The following OR51B5 variants were observed in gnomAD, a reference collection of about 807,000 sequenced individuals.
The protein encoded by OR51B5 is olfactory receptor family 51 subfamily B member 5, also known as olfactory receptor 51B5.
For missense variants in OR51B5, 456 were observed against 374.6 expected, an observed-to-expected ratio of 1.22 and a Z score of -1.79; for synonymous variants, 186 against 144.8, an observed-to-expected ratio of 1.28 and a Z score of -2.04.
rs1208616495 is a variant in OR51B5, at chr11:5,440,918, A to G, written n.84+64651T>C. 3.7e-6 allele frequency: 6 copies of G among 1,613,760 alleles called. No homozygotes were observed. The East Asian group carries it at 8.9e-5, about 24-fold the overall frequency. On this transcript the variant is annotated intron_variant and non_coding_transcript_variant, in intron 1 of 4. Coordinates refer to the OR51B5 transcript ENST00000415970. ...TAAAAATGATCACCAAGAGCCCATA[A>G]ATGTTGTTAACATGGATGTCTCCAC... is the stretch of plus-strand genomic sequence containing the variant.
rs1564819339 is a variant in OR51B5 at position 5,455,591 on chromosome 11, G to GAGGAGAGAGAGAAAGAGAAAGAGAGA, written n.84+49977_84+49978insTCTCTCTTTCTCTTTCTCTCTCTCCT. Reference sequence around the variant, plus strand: ...AGAGAGAGAGAGAAAGAGAAAGAGAGAAAGAGAAAAAGAGAAAGAGAAAGA... The same window carrying GAGGAGAGAGAGAAAGAGAAAGAGAGA: ...AGAGAGAGAGAGAAAGAGAAAGAGAGAGGAGAGAGAGAAAGAGAAAGAGAGAAAAGAGAAAAAGAGAAAGAGAAAGA... On this transcript the variant is annotated intron_variant and non_coding_transcript_variant, in intron 1 of 4. Transcript: ENST00000415970. The GAGGAGAGAGAGAAAGAGAAAGAGAGA allele has an allele frequency of 1.6e-4, 23 of 142,368 alleles. 1 individual carries two copies. Among genetic ancestry groups the GAGGAGAGAGAGAAAGAGAAAGAGAGA allele is most frequent in the African/African-American group, 6.0e-4 (23 of 38,404 alleles). The allele number at this position is 142,368 out of a possible 1,614,324, so 8.8% of individuals were successfully genotyped here.
At chr11:5,354,014 G>A (rs1052537489) in intron 1 of OR51B5, among the ~76,000 whole-genome samples, 6 of 151,708 alleles carry the variant, frequency 4.0e-5, no homozygotes, top group South Asian at 2.1e-4. Context: ...CTGTGTGCTC[G>A]AGGATGGTAA....
intron 1 of OR51B5, chr11:5,505,505 G>A (rs997364982): frequency 2.4e-6 from 3 of 1,271,848 alleles, no homozygotes; most frequent in African/African-American, 3.1e-5. Context: ...CCGTTTTCAC[G>A]CTGCTAATGA....
At chr11:5,423,088 A>G in intron 1 of OR51B5, 1 of 1,613,942 alleles carries the variant, frequency 6.2e-7, no homozygotes, top group African/African-American at 1.3e-5. Context: ...TTTACAGTGT[A>G]AAGAACAAGC....
Position 5,467,860 on chromosome 11 carries a change from T to TCTA in OR51B5, n.84+37706_84+37708dup, listed in dbSNP as rs372274825. On this transcript the variant is annotated intron_variant and non_coding_transcript_variant, in intron 1 of 4. Transcript: ENST00000415970. Reference sequence around the variant, plus strand: ...CGATTTGGAGTGTTGATTAGCTGCCTCTAGTCATTCAATCCTCTCTGTAGT... The same window carrying TCTA: ...CGATTTGGAGTGTTGATTAGCTGCCTCTACTAGTCATTCAATCCTCTCTGTAGT... 7.8e-3 allele frequency among the ~76,000 whole-genome samples: 1,187 copies of TCTA among 152,340 alleles called. 21 individuals are homozygous for TCTA. Among genetic ancestry groups the TCTA allele is most frequent in the African/African-American group, 0.027 (1,143 of 41,580 alleles).
intron 1 of OR51B5, chr11:5,422,197 A>T: frequency 1.3e-6 from 2 of 1,589,844 alleles, no homozygotes; most frequent in Non-Finnish European, 1.7e-6. Flanking sequence ...CACATTCATC[A>T]GTCATGTCCC....
intron 1 of OR51B5, among the ~76,000 whole-genome samples, chr11:5,425,811 T>C (rs936430907): frequency 2.0e-5 from 3 of 152,180 alleles, no homozygotes; most frequent in African/African-American, 7.2e-5. Flanking sequence ...ATATTAATTT[T>C]TTGAGATGTT....
chr11:5,428,782 C>G (rs1398700553), intron 1 of OR51B5, among the ~76,000 whole-genome samples: 2 of 152,172 alleles, frequency 1.3e-5, no homozygotes, highest in Non-Finnish European at 2.9e-5. Flanking sequence ...GAAACAAGGA[C>G]CATCATAGTC....
upstream of OR51B5, chr11:5,343,686 G>T (rs1337173892): frequency 1.1e-5 from 6 of 525,260 alleles, no homozygotes; most frequent in African/African-American, 1.1e-4. Flanking sequence ...CATTCTCAGG[G>T]TTACTCATAC....
At chr11:5,445,562 A>G (rs1206819000) in intron 1 of OR51B5, among the ~76,000 whole-genome samples, 1 of 151,990 alleles carries the variant, frequency 6.6e-6, no homozygotes, top group Non-Finnish European at 1.5e-5. Context: ...ATACAGACCA[A>G]TAAAGACGCA....
At chr11:5,405,311 C>A (rs1381582139) in intron 1 of OR51B5, among the ~76,000 whole-genome samples, 1 of 152,084 alleles carries the variant, frequency 6.6e-6, no homozygotes, top group Non-Finnish European at 1.5e-5. Flanking sequence ...GCATCTAAGA[C>A]CTAGCATTGG....
intron 1 of OR51B5, chr11:5,392,421 G>C (rs1360846099): frequency 6.6e-6 from 1 of 152,164 alleles, no homozygotes; most frequent in African/African-American, 2.4e-5. Flanking sequence ...AAAAATTTAG[G>C]ATTTGGATTT....
intron 1 of OR51B5, among the ~76,000 whole-genome samples, chr11:5,385,944 C>CTA (rs35325523): frequency 0.41 from 61,200 of 147,790 alleles, 12,793 homozygotes; most frequent in South Asian, 0.53. Context: ...TAAGTATGTT[C>CTA]TATATATATA....
chr11:5,346,512 CTGCTTTGTT>C (rs998501274), upstream of OR51B5, among the ~76,000 whole-genome samples: 55 of 152,164 alleles, frequency 3.6e-4, no homozygotes, highest in Admixed American at 6.5e-4. Context: ...TAATTTTTCT[CTGCTTTGTT>C]TAAAAAGTAA....
chr11:5,466,823 G>T, intron 1 of OR51B5, among the ~76,000 whole-genome samples: 1 of 152,216 alleles, frequency 6.6e-6, no homozygotes, highest in East Asian at 1.9e-4. Flanking sequence ...TCAGAGCGAA[G>T]TCTGGTCCAG....
chr11:5,343,405 A>G (rs1848936237), exon 1 of OR51B5: 1 of 1,613,894 alleles, frequency 6.2e-7, no homozygotes, highest in Non-Finnish European at 8.5e-7. Flanking sequence ...GGAGGGTGCC[A>G]TTGCCAAAAA....
chr11:5,355,066 T>C, intron 1 of OR51B5: 1 of 168,414 alleles, frequency 5.9e-6, no homozygotes, highest in Non-Finnish European at 1.3e-5. Flanking sequence ...CCTGGACCAA[T>C]TTCCTGACTT....
intron 1 of OR51B5, among the ~76,000 whole-genome samples, chr11:5,467,346 T>A (rs914860566): frequency 2.0e-5 from 3 of 152,252 alleles, no homozygotes; most frequent in Admixed American, 2.0e-4. Flanking sequence ...ATACTGCAAC[T>A]ATGTTTAGTA....
intron 1 of OR51B5, chr11:5,422,828 A>ATC: frequency 1.9e-6 from 3 of 1,611,988 alleles, no homozygotes; most frequent in Non-Finnish European, 2.5e-6. Context: ...GCTCATTATT[A>ATC]TCGTGGATCC....
Sources: allele counts gnomAD v4.1 joint callset (sites outside exome capture counted in the v4.1 genomes callset), GRCh38; gene constraint gnomAD v4.1.1; transcripts MANE v1.5; gene names NCBI Gene and HGNC (gene_info 2026-07-23, HGNC 2026-07-21).